The following CIMAP3 variants were observed in gnomAD, a reference collection of about 807,000 sequenced individuals.
CIMAP3 encodes the protein ciliary microtubule associated protein 3.
At chr1:111,347,098 G>A in the CIMAP3 span, 2 of 1,520,924 alleles carry the variant, frequency 1.3e-6, no homozygotes, top group Non-Finnish European at 1.8e-6. Context: ...CGGCTATTGA[G>A]GGATAGCCAA....
the CIMAP3 span, among the ~76,000 whole-genome samples, chr1:111,346,040 T>C: frequency 1.3e-5 from 2 of 152,280 alleles, no homozygotes; most frequent in South Asian, 4.1e-4. Flanking sequence ...TAGAGTCTTC[T>C]CTGATTCCGT....
At chr1:111,342,777 A>G in the CIMAP3 span, among the ~76,000 whole-genome samples, 9 of 152,200 alleles carry the variant, frequency 5.9e-5, no homozygotes, top group Admixed American at 5.2e-4. Flanking sequence ...ACTTTTTCCA[A>G]TGTAGAAACT....
chr1:111,346,845 C>A, the CIMAP3 span: 1 of 1,593,522 alleles, frequency 6.3e-7, no homozygotes, highest in Non-Finnish European at 8.6e-7. Context: ...ACCTTCCCCT[C>A]CCGGAACGCG....
the CIMAP3 span, among the ~76,000 whole-genome samples, chr1:111,328,064 T>C: frequency 6.6e-6 from 1 of 152,338 alleles, no homozygotes; most frequent in Admixed American, 6.5e-5. Context: ...TTCTCATTAT[T>C]TTCAAAGAAC....
At chr1:111,336,859 A>C in the CIMAP3 span, among the ~76,000 whole-genome samples, 1 of 151,908 alleles carries the variant, frequency 6.6e-6, no homozygotes, top group Non-Finnish European at 1.5e-5. Flanking sequence ...CCACAAAGAT[A>C]CTCCTAGAGA....
chr1:111,350,365 T>C, the CIMAP3 span: 3 of 676,234 alleles, frequency 4.4e-6, no homozygotes, highest in Non-Finnish European at 7.7e-6. Flanking sequence ...TTTGTGTGTA[T>C]ATGAATCTGA....
At chr1:111,341,639 A>G in the CIMAP3 span, among the ~76,000 whole-genome samples, 1 of 152,220 alleles carries the variant, frequency 6.6e-6, no homozygotes, top group Non-Finnish European at 1.5e-5. Context: ...ATGTATCAAC[A>G]TATGAAGCTT....
At chr1:111,329,542 T>TATATATATATAG in the CIMAP3 span, among the ~76,000 whole-genome samples, 1 of 98,362 alleles carries the variant, frequency 1.0e-5, no homozygotes, top group East Asian at 2.2e-4. Context: ...TATATATATA[T>TATATATATATAG]ATATATATAT....
At chr1:111,327,236 C>A in the CIMAP3 span, among the ~76,000 whole-genome samples, 1 of 152,054 alleles carries the variant, frequency 6.6e-6, no homozygotes, top group East Asian at 1.9e-4. Context: ...CATTTAAATC[C>A]TTAATAAATC....
At chr1:111,340,495 C>T in the CIMAP3 span, among the ~76,000 whole-genome samples, 1 of 151,680 alleles carries the variant, frequency 6.6e-6, no homozygotes, top group African/African-American at 2.4e-5. Context: ...ACAATGAACG[C>T]AAACAAATTT....
At chr1:111,347,638 G>GTGTTTTTTTTT in the CIMAP3 span, 1 of 818,766 alleles carries the variant, frequency 1.2e-6, no homozygotes, top group Non-Finnish European at 1.7e-6. Flanking sequence ...TTTTTTTTTT[G>GTGTTTTTTTTT]GTGTTTTTGT....
At chr1:111,324,665 T>A in the CIMAP3 span, 1 of 959,434 alleles carries the variant, frequency 1.0e-6, no homozygotes, top group Non-Finnish European at 1.2e-6. Flanking sequence ...CCAGTCTTAG[T>A]TACACCCTTC....
the CIMAP3 span, among the ~76,000 whole-genome samples, chr1:111,343,277 CA>C: frequency 1.3e-5 from 2 of 151,982 alleles, no homozygotes; most frequent in Non-Finnish European, 2.9e-5. Context: ...AAACATTATA[CA>C]AAAAATTGAA....
chr1:111,331,777 G>A, the CIMAP3 span, among the ~76,000 whole-genome samples: 1 of 151,676 alleles, frequency 6.6e-6, no homozygotes, highest in African/African-American at 2.4e-5. Flanking sequence ...GCTTTGTCGT[G>A]TTAATGTGTC....
the CIMAP3 span, among the ~76,000 whole-genome samples, chr1:111,337,916 C>G: frequency 8.0e-5 from 12 of 150,678 alleles, no homozygotes; most frequent in East Asian, 2.1e-3. Context: ...CCACACCACA[C>G]CTATTCCAAA....
the CIMAP3 span, chr1:111,347,110 T>G: frequency 1.3e-6 from 2 of 1,504,530 alleles, no homozygotes; most frequent in East Asian, 4.7e-5. Context: ...GATAGCCAAG[T>G]TTCCAAGTTT....
At chr1:111,337,608 C>T in the CIMAP3 span, among the ~76,000 whole-genome samples, 2 of 152,214 alleles carry the variant, frequency 1.3e-5, no homozygotes, top group Admixed American at 6.5e-5. Flanking sequence ...AAGGCCGTTA[C>T]ATAATGGTCA....
At chr1:111,329,515 CCATATATATATATATATATATATATA>C in the CIMAP3 span, among the ~76,000 whole-genome samples, 15 of 77,016 alleles carry the variant, frequency 1.9e-4, no homozygotes, top group African/African-American at 6.9e-4. Flanking sequence ...TCACATAAAC[CCATATATATATATATATATATATATA>C]TATATATATA....
the CIMAP3 span, among the ~76,000 whole-genome samples, chr1:111,340,447 A>C: frequency 6.6e-6 from 1 of 152,082 alleles, no homozygotes; most frequent in Non-Finnish European, 1.5e-5. Context: ...AAATTTTCGC[A>C]ACCTACTCAT....
Sources: allele counts gnomAD v4.1 joint callset (sites outside exome capture counted in the v4.1 genomes callset), GRCh38; gene constraint gnomAD v4.1.1; transcripts MANE v1.5; gene names NCBI Gene and HGNC (gene_info 2026-07-23, HGNC 2026-07-21).